ERC2: variants seen among roughly 807,000 people sequenced by gnomAD.
The protein encoded by ERC2 is ELKS/RAB6-interacting/CAST family member 2, also known as ERC protein 2.
ERC2 carries 42 observed loss-of-function variants against 114.8 expected under a neutral mutation model. That is an observed-to-expected ratio of 0.37 (90% CI 0.29 to 0.47). ERC2 has a LOEUF of 0.47. Ranked by LOEUF, ERC2 falls within the 20% of genes least tolerant of loss-of-function variation. The pLI is 0.99. For synonymous variants in ERC2, 454 were observed against 425.5 expected (o/e 1.07, Z -0.82); for missense variants, 939 against 1,150.7 (o/e 0.82, Z 2.66).
chr3:56,296,107 G>C lies in ERC2; in HGVS notation c.986C>G (p.Thr329Arg). The change falls in exon 3 of 18, where the codon ACG becomes AGG. Residue 329 changes from threonine to arginine, a missense_variant. Coordinates refer to ENST00000288221, the MANE Select transcript of ERC2 (RefSeq NM_015576.3). ...SKSLEDDNER[T>R]RRMAEAESQV... Reference sequence around the variant, plus strand: ...AGACTCAGCCTCTGCCATCCGCCGCGTTCGCTCATTGTCATCCTCCAGGCT... The same window carrying C: ...AGACTCAGCCTCTGCCATCCGCCGCCTTCGCTCATTGTCATCCTCCAGGCT... 6.2e-7 allele frequency: 1 copy of C among 1,613,924 alleles called. No individual in the cohort carries two copies. The highest frequency in any genetic ancestry group is 8.5e-7 in the Non-Finnish European group (1 of 1,179,842).
At chr3:56,330,222 A>G (rs973587970) in intron 2 of ERC2, among the ~76,000 whole-genome samples, 2 of 152,062 alleles carry the variant, frequency 1.3e-5, no homozygotes, top group African/African-American at 4.8e-5. Context: ...ATTTTTACTT[A>G]GAGACAAGGT....
intron 1 of ERC2, among the ~76,000 whole-genome samples, chr3:56,439,097 G>T (rs1237444562): frequency 6.6e-6 from 1 of 152,114 alleles, no homozygotes; most frequent in Non-Finnish European, 1.5e-5. Flanking sequence ...GGAACAGTTA[G>T]CATAATACCA....
intron 17 of ERC2, among the ~76,000 whole-genome samples, chr3:55,674,053 C>T (rs969296970): frequency 1.3e-5 from 2 of 152,138 alleles, no homozygotes; most frequent in African/African-American, 4.8e-5. Context: ...GTACTCTTCC[C>T]AGCCTCTGCA....
At chr3:56,467,397 C>T (rs962375419) in intron 1 of ERC2, among the ~76,000 whole-genome samples, 1 of 152,176 alleles carries the variant, frequency 6.6e-6, no homozygotes, top group Non-Finnish European at 1.5e-5. Flanking sequence ...CCTAAAAGAG[C>T]GGACCCTCCC....
At chr3:56,440,419 G>C (rs1234931542) in intron 1 of ERC2, among the ~76,000 whole-genome samples, 2 of 152,018 alleles carry the variant, frequency 1.3e-5, no homozygotes, top group Non-Finnish European at 2.9e-5. Flanking sequence ...GTGGTGGTGG[G>C]CGCATGTAGT....
chr3:55,900,301 T>C (rs114944089), intron 13 of ERC2, among the ~76,000 whole-genome samples: 5 of 152,220 alleles, frequency 3.3e-5, no homozygotes, highest in Non-Finnish European at 4.4e-5. Context: ...TTTAGTATTG[T>C]CCGATTTTGT....
chr3:55,990,237 CA>C (rs200279404), intron 11 of ERC2, among the ~76,000 whole-genome samples: 1 of 149,212 alleles, frequency 6.7e-6, no homozygotes, highest in African/African-American at 2.5e-5. Flanking sequence ...ATAGTTACCT[CA>C]AAAAAAAATG....
chr3:56,000,843 A>C (rs1281498504), intron 10 of ERC2, among the ~76,000 whole-genome samples: 1 of 151,792 alleles, frequency 6.6e-6, no homozygotes, highest in Non-Finnish European at 1.5e-5. Context: ...CCTTGAGCCC[A>C]GGAGTTTGAG....
chr3:55,544,294 G>A (rs557757516), intron 17 of ERC2, among the ~76,000 whole-genome samples: 2 of 152,274 alleles, frequency 1.3e-5, no homozygotes, highest in South Asian at 2.1e-4. Context: ...GAAAAGGGCT[G>A]TCCTCCCACT....
At chr3:56,366,465 G>A (rs950247934) in intron 2 of ERC2, among the ~76,000 whole-genome samples, 3 of 152,206 alleles carry the variant, frequency 2.0e-5, no homozygotes, top group Non-Finnish European at 4.4e-5. Context: ...GCACCCATGA[G>A]GCCCCTTGTG....
chr3:55,807,500 G>A (rs2059536800), intron 14 of ERC2, among the ~76,000 whole-genome samples: 1 of 151,450 alleles, frequency 6.6e-6, no homozygotes, highest in African/African-American at 2.5e-5. Flanking sequence ...AGCTTTGTGG[G>A]TCATATGAAC....
chr3:56,305,844 CT>C (rs886874298), intron 2 of ERC2, among the ~76,000 whole-genome samples: 7 of 151,848 alleles, frequency 4.6e-5, no homozygotes, highest in Non-Finnish European at 8.8e-5. Flanking sequence ...TATATATTGT[CT>C]TTTTTTTGTT....
chr3:55,877,942 T>C (rs2062941020), intron 14 of ERC2, among the ~76,000 whole-genome samples: 1 of 152,188 alleles, frequency 6.6e-6, no homozygotes, highest in African/African-American at 2.4e-5. Context: ...CTGGTCAGAA[T>C]TCTTTCAATA....
chr3:56,048,162 G>T (rs543607226), intron 7 of ERC2, among the ~76,000 whole-genome samples: 11 of 152,200 alleles, frequency 7.2e-5, no homozygotes, highest in African/African-American at 2.4e-4. Flanking sequence ...ATATTAAACC[G>T]TAAATTACTT....
intron 3 of ERC2, among the ~76,000 whole-genome samples, chr3:56,282,574 T>C (rs1180169588): frequency 6.7e-6 from 1 of 150,028 alleles, no homozygotes; most frequent in Non-Finnish European, 1.5e-5. Context: ...GATTAGGTAA[T>C]AGGACAATGT....
chr3:55,587,694 T>C (rs2057669586), intron 17 of ERC2, among the ~76,000 whole-genome samples: 1 of 152,242 alleles, frequency 6.6e-6, no homozygotes, highest in African/African-American at 2.4e-5. Flanking sequence ...GTGAGGGCAA[T>C]GCACTTTCTG....
chr3:56,399,079 A>C (rs924556855), intron 2 of ERC2, among the ~76,000 whole-genome samples: 18 of 152,356 alleles, frequency 1.2e-4, no homozygotes, highest in South Asian at 8.3e-4. Context: ...AGCATACTAC[A>C]AATCCCCAGG....
At chr3:56,313,218 G>A (rs1364338010) in intron 2 of ERC2, among the ~76,000 whole-genome samples, 2 of 150,436 alleles carry the variant, frequency 1.3e-5, no homozygotes, top group African/African-American at 4.9e-5. Context: ...TAAAGGATAG[G>A]GAGTTTTTAG....
At chr3:55,832,837 G>A (rs1380695565) in intron 14 of ERC2, among the ~76,000 whole-genome samples, 2 of 152,068 alleles carry the variant, frequency 1.3e-5, no homozygotes, top group Admixed American at 1.3e-4. Context: ...TCAAACCAAA[G>A]GCAAAGAAGT....
Sources: allele counts gnomAD v4.1 joint callset (sites outside exome capture counted in the v4.1 genomes callset), GRCh38; gene constraint gnomAD v4.1.1; transcripts MANE v1.5; gene names NCBI Gene and HGNC (gene_info 2026-07-23, HGNC 2026-07-21).